The following P3H4 variants were observed in gnomAD, a reference collection of about 807,000 sequenced individuals.
P3H4 encodes the protein prolyl 3-hydroxylase family member 4 (inactive).
In P3H4, 47 loss-of-function variants were observed where a neutral mutation model predicts 52.9. That is an observed-to-expected ratio of 0.89 (90% CI 0.70 to 1.13). The LOEUF is 1.13. Among genes scored for constraint, P3H4 ranks in the 50% most tolerant of loss-of-function variants. The pLI, the probability that P3H4 is intolerant of heterozygous loss-of-function variation, is 0.00. For missense variants in P3H4, 585 were observed against 611.0 expected (o/e 0.96, Z 0.45); for synonymous variants, 256 against 267.9 (o/e 0.96, Z 0.44).
chr17:41,806,645 G>C, intron 6 of P3H4, 151 bp downstream of exon 6: 1 of 650,260 alleles, frequency 1.5e-6, no homozygotes. Context: ...GGGAAGGAAC[G>C]GACAGTCTAG....
rs190581660 is a variant in P3H4, at chr17:41,804,841, G to A, written c.1147-1410C>T. The stretch of plus-strand genomic sequence containing the variant: ...AAAATAAAATTGGCTGGACATGGTG[G>A]CGCATGACTGTAATCCCAGCTACTC... On this transcript the variant is annotated intron_variant, in intron 6 of 7. Coordinates refer to ENST00000393928, the MANE Select transcript of P3H4 (RefSeq NM_006455.3). Among the ~76,000 whole-genome samples, 293 of 152,062 alleles carry A rather than the reference G, an allele frequency of 1.9e-3. 2 individuals carry two copies. Among genetic ancestry groups the A allele is most frequent in the Non-Finnish European group, 3.5e-3 (236 of 68,008 alleles).
chr17:41,807,632 G>T, intron 5 of P3H4: 1 of 395,098 alleles, frequency 2.5e-6, no homozygotes. Flanking sequence ...CGAGTAGTTG[G>T]TACTACAGGC....
At position 41,808,016 on chromosome 17, in the gene P3H4, CAG is replaced by C. The variant is rs1211408752; in HGVS notation, c.917-14_917-13del. 99 of 1,609,934 alleles carry C rather than the reference CAG, an allele frequency of 6.1e-5. No individual in the cohort carries two copies. Among genetic ancestry groups the C allele is most frequent in the Non-Finnish European group, 8.2e-5 (97 of 1,177,756 alleles). On this transcript the variant is annotated splice_polypyrimidine_tract_variant and intron_variant, in intron 4 of 7. Coordinates refer to ENST00000393928, the MANE Select transcript of P3H4 (RefSeq NM_006455.3). ...GCGCACATCATTCACTGCAGCAGGACAGGGGTGAGGAATTGCTCTGGCACTTC... is the reference window on the plus strand; with the variant it reads ...GCGCACATCATTCACTGCAGCAGGACGGGTGAGGAATTGCTCTGGCACTTC...
intron 3 of P3H4, 69 bp from the exon 4 acceptor site, chr17:41,809,903 ACT>A: frequency 6.4e-7 from 1 of 1,553,718 alleles, no homozygotes; most frequent in South Asian, 1.2e-5. Flanking sequence ...AGTGGAGAAG[ACT>A]CTAAATCCAA....
intron 6 of P3H4, among the ~76,000 whole-genome samples, chr17:41,806,231 T>A (rs181349775): frequency 0.012 from 1,752 of 150,960 alleles, 11 homozygotes; most frequent in South Asian, 0.016. Context: ...AAAAAAAAAA[T>A]AAATAAATAA....
intron 3 of P3H4, among the ~76,000 whole-genome samples, chr17:41,810,422 T>C (rs2047717183): frequency 1.3e-5 from 2 of 152,040 alleles, no homozygotes; most frequent in Non-Finnish European, 2.9e-5. Context: ...TCTGCCTGCC[T>C]CGGCCTCCCA....
rs1555614964 is a variant in P3H4, at chr17:41,811,055, G to C, written c.616-21C>G. ...ACGGCCTGGAAGGGGCGTGGCAGGG[G>C]GAGTCAGGGCGCCCCCAACATCTCC... On this transcript the variant is annotated intron_variant, in intron 2 of 7. Coordinates refer to ENST00000393928, the MANE Select transcript of P3H4 (RefSeq NM_006455.3). The surrounding 1 kb of genome is among the most constrained non-coding windows in gnomAD (Gnocchi z 4.8). 3 of 1,608,516 alleles carry C rather than the reference G, an allele frequency of 1.9e-6. No individual in the cohort carries two copies. In the South Asian group the frequency reaches 3.3e-5, roughly 18 times the overall value.
chr17:41,805,390 G>A (rs1353107137), intron 6 of P3H4, among the ~76,000 whole-genome samples: 5 of 151,560 alleles, frequency 3.3e-5, no homozygotes, highest in African/African-American at 9.7e-5. Context: ...ACAGTGGCGC[G>A]ATCTCGGCTC....
rs782710831 is a variant in P3H4 at position 41,806,853 on chromosome 17, G to A, written c.1089C>T (p.Thr363=). The A allele has an allele frequency of 1.4e-5, 22 of 1,613,696 alleles. No homozygotes were observed. Among genetic ancestry groups the A allele is most frequent in the African/African-American group, 4.0e-5 (3 of 74,912 alleles). Residue 363 remains threonine (T), a synonymous_variant, in exon 6 of 8, where the codon ACC becomes ACT. Transcript: ENST00000393928. ...REEAMLYHNQ[T]AELRELLEFT... Reference sequence around the variant, plus strand: ...ACTCCAGCAGCTCCCGCAGCTCGGCGGTCTGGTTGTGGTAGAGCATGGCCT... The same window carrying A: ...ACTCCAGCAGCTCCCGCAGCTCGGCAGTCTGGTTGTGGTAGAGCATGGCCT...
At chr17:41,807,622 C>T (rs1480662976) in intron 5 of P3H4, 4 of 317,336 alleles carry the variant, frequency 1.3e-5, no homozygotes, top group African/African-American at 2.2e-5. Context: ...CTCAGCTTCC[C>T]GAGTAGTTGG....
At position 41,807,946 on chromosome 17, in the gene P3H4, C is replaced by T; in HGVS notation, c.975G>A (p.Lys325=). ...CCAGGTTCTGCTGCATGACGCTGTCCTTGGGGTCGAAGAGCATGTAGCTGG... is the reference window on the plus strand; with the variant it reads ...CCAGGTTCTGCTGCATGACGCTGTCTTTGGGGTCGAAGAGCATGTAGCTGG... ...SAASYMLFDP[K]DSVMQQNLVY... Residue 325 remains lysine, a synonymous_variant, in exon 5 of 8, where the codon AAG becomes AAA. Coordinates refer to ENST00000393928, the MANE Select transcript of P3H4 (RefSeq NM_006455.3). 6.2e-7 allele frequency: 1 copy of T among 1,614,172 alleles called. No individual in the cohort carries two copies. The highest frequency in any genetic ancestry group is 2.2e-5 in the East Asian group (1 of 44,884).
At position 41,802,943 on chromosome 17, in the gene P3H4, G is replaced by T. The variant is rs782404773; in HGVS notation, c.*14C>A. 3 of 1,611,654 alleles carry T rather than the reference G, an allele frequency of 1.9e-6. No homozygotes were observed. In the African/African-American group the frequency reaches 4.0e-5, roughly 22 times the overall value. On this transcript the variant is annotated 3_prime_UTR_variant, in exon 8 of 8. Coordinates refer to ENST00000393928, the MANE Select transcript of P3H4 (RefSeq NM_006455.3). ...CAGGCTTCCCAAGCTTGAGCGGTGT[G>T]GGGTGTCCCCTTCTCATGCGAGTTC...
rs1235073187 is a variant in P3H4, at chr17:41,807,942, T to C, written c.979A>G (p.Ser327Gly). 1.9e-6 allele frequency: 3 copies of C among 1,614,086 alleles called. No individual in the cohort carries two copies. The highest frequency in any genetic ancestry group is 1.3e-5 in the African/African-American group (1 of 74,946). Reference sequence around the variant, plus strand: ...TACACCAGGTTCTGCTGCATGACGCTGTCCTTGGGGTCGAAGAGCATGTAG... The same window carrying C: ...TACACCAGGTTCTGCTGCATGACGCCGTCCTTGGGGTCGAAGAGCATGTAG... ...ASYMLFDPKDSVMQQNLVYYR... is the reference protein window; with the variant it reads ...ASYMLFDPKDGVMQQNLVYYR... Residue 327 changes from serine to glycine, a missense_variant, in exon 5 of 8, where the codon AGC becomes GGC. Physicochemically the swap from Ser to Gly is moderately conservative, Grantham distance 56 (BLOSUM62 0). Transcript: ENST00000393928.
intron 6 of P3H4, among the ~76,000 whole-genome samples, chr17:41,804,038 G>T (rs576328916): frequency 6.7e-6 from 1 of 149,504 alleles, no homozygotes; most frequent in East Asian, 2.0e-4. Context: ...TGCAAGCTCT[G>T]CCTCCTGGGT....
At position 41,811,725 on chromosome 17, in the gene P3H4, C is replaced by T. The variant is rs1032730590; in HGVS notation, c.191G>A (p.Arg64Gln). 4 of 1,506,232 alleles carry T rather than the reference C, an allele frequency of 2.7e-6. No individual in the cohort carries two copies. The highest frequency in any genetic ancestry group is 1.4e-5 in the African/African-American group (1 of 69,214). The allele number at this position is 1,506,232 out of a possible 1,614,324, so 93.3% of individuals were successfully genotyped here. Residue 64 changes from arginine to glutamine, a missense_variant, in exon 1 of 8, where the codon CGG (arginine) becomes CAG (glutamine). Arg to Gln is a conservative substitution (Grantham distance 43). Transcript: ENST00000393928. The surrounding 1 kb of genome is among the most constrained non-coding windows in gnomAD (Gnocchi z 4.8). ...ESARYLEAAL[R>Q]LHRLLRDSEA... ...GCTGTCGCGCAGGAGCCGGTGCAGC[C>T]GCAGCGCCGCCTCCAGGTAGCGCGC...
At chr17:41,803,191 C>T in intron 7 of P3H4, 96 bp downstream of exon 7, 2 of 1,524,734 alleles carry the variant, frequency 1.3e-6, no homozygotes, top group South Asian at 1.3e-5. Flanking sequence ...AGCACCCACA[C>T]ACACCCTGGG....
At chr17:41,808,608 C>T (rs1330472858) in intron 4 of P3H4, among the ~76,000 whole-genome samples, 3 of 152,134 alleles carry the variant, frequency 2.0e-5, no homozygotes, top group Non-Finnish European at 2.9e-5. Flanking sequence ...AGGTTGGTCT[C>T]GAACTCCTGG....
chr17:41,810,298 C>T (rs1384610221), intron 3 of P3H4, among the ~76,000 whole-genome samples: 2 of 151,628 alleles, frequency 1.3e-5, no homozygotes, highest in African/African-American at 4.9e-5. Context: ...CTCAGCCTCC[C>T]GAGTAGCTGG....
intron 4 of P3H4, among the ~76,000 whole-genome samples, chr17:41,809,254 C>G (rs1165510671): frequency 6.6e-6 from 1 of 152,154 alleles, no homozygotes; most frequent in Non-Finnish European, 1.5e-5. Context: ...AACCCCGTCT[C>G]TACTAAAAAT....
Sources: allele counts gnomAD v4.1 joint callset (sites outside exome capture counted in the v4.1 genomes callset), GRCh38; gene constraint gnomAD v4.1.1; non-coding constraint Gnocchi (gnomAD v3.1); transcripts MANE v1.5; gene names NCBI Gene and HGNC (gene_info 2026-07-23, HGNC 2026-07-21).